The following PCYT1B variants were observed in gnomAD, a reference collection of about 807,000 sequenced individuals.
PCYT1B encodes choline-phosphate cytidylyltransferase B.
Under a neutral mutation model 26.4 loss-of-function variants are expected in PCYT1B, and 10 were observed. The observed-to-expected ratio is 0.38, with a 90% confidence interval of 0.23 to 0.64. The LOEUF (loss-of-function observed/expected upper bound fraction) is 0.64. PCYT1B is among the 30% of genes least tolerant of loss of function. PCYT1B has a pLI of 0.56. For synonymous variants in PCYT1B, 131 were observed against 108.4 expected (o/e 1.21, Z -1.29); for missense variants, 161 against 292.7 (o/e 0.55, Z 3.28).
intron 1 of PCYT1B, among the ~76,000 whole-genome samples, chrX:24,663,667 C>A (rs761572360): frequency 8.9e-6 from 1 of 111,908 alleles, no homozygotes; most frequent in East Asian, 2.8e-4. Flanking sequence ...GTAATCCCAG[C>A]ACTTTGGGAG....
At position 24,599,760 on chromosome X, in the gene PCYT1B, A is replaced by G. The variant is rs1201017709; in HGVS notation, c.334+7985T>C. On this transcript the variant is annotated intron_variant, in intron 3 of 7. Transcript: ENST00000379144. ...TGAAAATATAAGTTTGAGGGAAAAA[A>G]TGAAACTTATAAATATTTAAAAGTT... 9.8e-5 allele frequency among the ~76,000 whole-genome samples: 11 copies of G among 112,242 alleles called. No homozygotes were observed. In the Admixed American group the frequency reaches 1.0e-3, roughly 11 times the overall value.
chrX:24,626,748 A>T (rs1232690446), intron 1 of PCYT1B, among the ~76,000 whole-genome samples: 1 of 111,959 alleles, frequency 8.9e-6, no homozygotes, highest in Admixed American at 9.5e-5. Flanking sequence ...GCTTTAAAAA[A>T]TTTTTAAATT....
In PCYT1B at chrX:24,630,451, ACGC is replaced by A. The variant is rs764838184; in HGVS notation, c.118-11370_118-11368del. On this transcript the variant is annotated intron_variant, in intron 1 of 7. Coordinates refer to ENST00000379144, the MANE Select transcript of PCYT1B (RefSeq NM_004845.5). ...GCTGGGACCACAGGTGCCCACCACC[ACGC>A]CCGGCTAATTTTTTGTATTTTTGCT... Among the ~76,000 whole-genome samples the A allele has an allele frequency of 7.6e-3, 842 of 110,757 alleles. 9 individuals are homozygous for A. The highest frequency in any genetic ancestry group is 0.026 in the African/African-American group (798 of 30,423).
At chrX:24,585,504 C>T (rs936348855) in intron 5 of PCYT1B, among the ~76,000 whole-genome samples, 39 of 111,066 alleles carry the variant, frequency 3.5e-4, no homozygotes, top group African/African-American at 1.1e-3. Context: ...GGGAATCCTG[C>T]GGCAGATGCT....
intron 7 of PCYT1B, among the ~76,000 whole-genome samples, chrX:24,565,742 C>T (rs752575756): frequency 9.5e-6 from 1 of 104,907 alleles, no homozygotes; most frequent in African/African-American, 3.5e-5. Flanking sequence ...TAAAGGAAAA[C>T]ATTGACATTT....
intron 7 of PCYT1B, among the ~76,000 whole-genome samples, chrX:24,566,925 C>CA (rs1923649734): frequency 9.0e-6 from 1 of 111,494 alleles, no homozygotes; most frequent in Non-Finnish European, 1.9e-5. Flanking sequence ...CAAAAGATAT[C>CA]AAGCCCCCCT....
At chrX:24,647,578 TC>T (rs1569257118), upstream of PCYT1B, among the ~76,000 whole-genome samples, 1 of 112,117 alleles carries the variant, frequency 8.9e-6, no homozygotes, top group East Asian at 2.8e-4. Context: ...TAAAACCGCT[TC>T]CTGAGGGGCC....
chrX:24,622,795 G>C (rs188978239), intron 1 of PCYT1B, among the ~76,000 whole-genome samples: 11 of 112,014 alleles, frequency 9.8e-5, no homozygotes, highest in Admixed American at 6.6e-4. Context: ...CTCCCTGTGA[G>C]CTGAGGAAAC....
intron 1 of PCYT1B, among the ~76,000 whole-genome samples, chrX:24,671,477 G>C (rs1002552921): frequency 1.8e-5 from 2 of 111,105 alleles, no homozygotes; most frequent in African/African-American, 3.3e-5. Context: ...ACTGGGGAAG[G>C]GACCAACTGG....
At chrX:24,619,408 G>C (rs926956802) in intron 1 of PCYT1B, among the ~76,000 whole-genome samples, 1 of 111,760 alleles carries the variant, frequency 8.9e-6, no homozygotes, top group Non-Finnish European at 1.9e-5. Context: ...TATCCTTCTA[G>C]AGCATAGGAT....
At chrX:24,671,614 G>C in intron 1 of PCYT1B, among the ~76,000 whole-genome samples, 1 of 111,197 alleles carries the variant, frequency 9.0e-6, no homozygotes, top group Non-Finnish European at 1.9e-5. Context: ...AGGTTTTGAA[G>C]GGATGCTGGT....
At chrX:24,623,398 T>TATATAA (rs1375541474) in intron 1 of PCYT1B, among the ~76,000 whole-genome samples, 3 of 89,229 alleles carry the variant, frequency 3.4e-5, no homozygotes, top group Non-Finnish European at 4.5e-5. Flanking sequence ...TATATATATA[T>TATATAA]AACTTTAAAT....
intron 2 of PCYT1B, among the ~76,000 whole-genome samples, chrX:24,614,358 A>C (rs1412204969): frequency 9.0e-6 from 1 of 111,585 alleles, no homozygotes; most frequent in Admixed American, 9.6e-5. Context: ...ATATTATGTC[A>C]TAAAATATGG....
chrX:24,617,381 T>TG (rs1372956604), intron 2 of PCYT1B, among the ~76,000 whole-genome samples: 5 of 100,600 alleles, frequency 5.0e-5, no homozygotes, highest in South Asian at 4.1e-4. Flanking sequence ...GTTTTTTTTT[T>TG]TGTTTGTTTT....
Position 24,670,048 on chromosome X carries a change from AAAAGAAAG to A in PCYT1B, c.63+2514_63+2521del, listed in dbSNP as rs756342863. 4.7e-3 allele frequency among the ~76,000 whole-genome samples: 271 copies of A among 58,065 alleles called. 5 individuals carry two copies. Among genetic ancestry groups the A allele is most frequent in the Non-Finnish European group, 6.0e-3 (182 of 30,410 alleles). The allele number at this position is 58,065 out of a possible 115,157, so 50.4% of individuals were successfully genotyped here. A position where few individuals can be genotyped will look rare whatever the true frequency, so the allele number is the denominator to read the frequency against. On this transcript the variant is annotated intron_variant, in intron 1 of 7. Transcript: ENST00000379145. Reference sequence around the variant, plus strand: ...ACAGAGTAAGACCTTGTCTCAAAAAAAAAGAAAGAAAGAAAGAAAGAAAGAAAGAAAGA... The same window carrying A: ...ACAGAGTAAGACCTTGTCTCAAAAAAAAAGAAAGAAAGAAAGAAAGAAAGA...
At chrX:24,654,900 G>A (rs937676984) in intron 1 of PCYT1B, among the ~76,000 whole-genome samples, 10 of 110,612 alleles carry the variant, frequency 9.0e-5, no homozygotes, top group East Asian at 2.8e-4. Flanking sequence ...TTATGTCTCT[G>A]TTTTGAGCCA....
intron 5 of PCYT1B, 117 bp from the exon 6 acceptor site, chrX:24,579,575 G>T: frequency 1.6e-6 from 1 of 636,605 alleles, no homozygotes; most frequent in South Asian, 2.8e-5. Flanking sequence ...TGCCAATGAA[G>T]ACTTTACGTC....
At chrX:24,587,427 T>C in intron 4 of PCYT1B, 108 bp from the exon 5 acceptor site, 2 of 515,652 alleles carry the variant, frequency 3.9e-6, no homozygotes, top group South Asian at 5.6e-5. Context: ...ATAAGGCAGT[T>C]GTATGTTACA....
intron 1 of PCYT1B, among the ~76,000 whole-genome samples, chrX:24,643,113 G>A (rs927868708): frequency 9.0e-6 from 1 of 111,461 alleles, no homozygotes; most frequent in African/African-American, 3.3e-5. Context: ...CTTGTCCAAG[G>A]TCATTAACCA....
Sources: allele counts gnomAD v4.1 joint callset (sites outside exome capture counted in the v4.1 genomes callset), GRCh38; gene constraint gnomAD v4.1.1; transcripts MANE v1.5; gene names NCBI Gene and HGNC (gene_info 2026-07-23, HGNC 2026-07-21).